MON2: variants seen among roughly 807,000 people sequenced by gnomAD.
MON2 encodes protein MON2 homolog.
MON2 carries 84 observed loss-of-function variants against 208.6 expected under a neutral mutation model. The ratio of observed to expected loss-of-function variants is 0.40; its 90% CI spans 0.34 to 0.48. The LOEUF is 0.48. Ranked by LOEUF, MON2 falls within the 20% of genes least tolerant of loss-of-function variation. MON2 has a pLI of 0.59. For missense variants in MON2, 1,611 were observed against 2,015.4 expected, an observed-to-expected ratio of 0.80 and a Z score of 3.84; for synonymous variants, 660 against 694.0, an observed-to-expected ratio of 0.95 and a Z score of 0.77.
intron 32 of MON2, among the ~76,000 whole-genome samples, chr12:62,581,685 G>C (rs1463617864): frequency 6.6e-6 from 1 of 152,084 alleles, no homozygotes; most frequent in African/African-American, 2.4e-5. Flanking sequence ...AAAATAATTA[G>C]CCAGGTGTGA....
At chr12:62,555,532 A>C (rs2073927512) in intron 24 of MON2, among the ~76,000 whole-genome samples, 1 of 152,176 alleles carries the variant, frequency 6.6e-6, no homozygotes, top group Non-Finnish European at 1.5e-5. Context: ...AATTATGGCC[A>C]GGCACAGTGG....
At chr12:62,485,264 CT>C (rs1212621938) in intron 2 of MON2, among the ~76,000 whole-genome samples, 25 of 152,296 alleles carry the variant, frequency 1.6e-4, no homozygotes, top group African/African-American at 6.0e-4. Context: ...CTCAGCTAAT[CT>C]ATGAGGAAAG....
Position 62,552,897 on chromosome 12 carries a change from A to T in MON2, c.2933A>T (p.Tyr978Phe), listed in dbSNP as rs1347700223. ...SIGLLWNISD[Y>F]FFQRGETIEK... is the part of the protein sequence containing the mutation. ...GCTTTTTAGTGGAATATTTCAGATT[A>T]TTTTTTCCAAAGAGGGGAAACTATT... The change falls in exon 24 of 35, where the codon TAT becomes TTT. Residue 978 changes from tyrosine to phenylalanine, a missense_variant. By Grantham distance (22) the Tyr-to-Phe change is conservative. Transcript: ENST00000393630. 1.6e-5 allele frequency: 26 copies of T among 1,612,288 alleles called. No homozygotes were observed. In the Admixed American group the frequency reaches 2.8e-4, roughly 18 times the overall value.
At chr12:62,588,926 T>G (rs2075305853) in intron 34 of MON2, 1 of 1,418,606 alleles carries the variant, frequency 7.0e-7, no homozygotes, top group Non-Finnish European at 9.4e-7. Context: ...GGTAAATAAT[T>G]TTTCTTTTCA....
At chr12:62,534,531 AAAAAAAAAAAAATAT>A (rs1177233435) in intron 12 of MON2, among the ~76,000 whole-genome samples, 1 of 39,384 alleles carries the variant, frequency 2.5e-5, no homozygotes, top group African/African-American at 1.6e-4. Flanking sequence ...AAAAAAAAAA[AAAAAAAAAAAAATAT>A]ATATATATAT....
chr12:62,577,578 A>C (rs992651970), intron 30 of MON2, among the ~76,000 whole-genome samples: 15 of 152,080 alleles, frequency 9.9e-5, no homozygotes, highest in African/African-American at 3.6e-4. Flanking sequence ...CAAATATCAG[A>C]TAAATCTAGG....
At chr12:62,590,559 A>G (rs1382070674) in intron 34 of MON2, among the ~76,000 whole-genome samples, 1 of 152,238 alleles carries the variant, frequency 6.6e-6, no homozygotes, top group Non-Finnish European at 1.5e-5. Flanking sequence ...TTTACCACAG[A>G]CAACCATTTT....
chr12:62,595,528 A>T lies in MON2; in HGVS notation c.*2779A>T, dbSNP rs543121229. The T allele has an allele frequency of 1.3e-5, 2 of 152,318 alleles. No individual in the cohort carries two copies. The highest frequency in any genetic ancestry group is 4.1e-4 in the South Asian group (2 of 4,826). The allele number at this position is 152,318 out of a possible 1,614,324, so 9.4% of individuals were successfully genotyped here. On this transcript the variant is annotated 3_prime_UTR_variant, in exon 35 of 35. Coordinates refer to ENST00000393630, the MANE Select transcript of MON2 (RefSeq NM_015026.3). ...ATTCATATTGCTGGACAACAGACAT[A>T]TGCCACCAATTGTATGATTAATAAA...
intron 1 of MON2, among the ~76,000 whole-genome samples, chr12:62,474,374 T>A (rs2068954337): frequency 6.6e-6 from 1 of 152,092 alleles, no homozygotes; most frequent in African/African-American, 2.4e-5. Flanking sequence ...CGCCTCGGCC[T>A]CCCAAAGTGT....
rs764185253 is a variant in MON2 at position 62,560,847 on chromosome 12, A to G, written c.3766A>G (p.Lys1256Glu). 3 of 1,614,100 alleles carry G rather than the reference A, an allele frequency of 1.9e-6. No homozygotes were observed. Among genetic ancestry groups the G allele is most frequent in the Non-Finnish European group, 2.5e-6 (3 of 1,179,988 alleles). The change falls in exon 26 of 35, where the codon AAG becomes GAG. Residue 1256 changes from lysine (K) to glutamate (E), a missense_variant. Physicochemically the swap from Lys to Glu is moderately conservative, Grantham distance 56. Coordinates refer to ENST00000393630, the MANE Select transcript of MON2 (RefSeq NM_015026.3). Reference protein sequence around the residue: ...TWYRIGSESTKPPITFDKLTF... With the variant: ...TWYRIGSESTEPPITFDKLTF... ...GTATAGAATTGGATCTGAAAGTACT[A>G]AGCCTCCTATTACTTTTGATAAACT...
chr12:62,571,904 A>G (rs1327189794), intron 30 of MON2, among the ~76,000 whole-genome samples: 1 of 152,266 alleles, frequency 6.6e-6, no homozygotes, highest in Non-Finnish European at 1.5e-5. Context: ...ATTGCAAGAG[A>G]AAAACAATGT....
At chr12:62,508,794 T>C (rs1016920554) in intron 8 of MON2, 2 of 245,826 alleles carry the variant, frequency 8.1e-6, no homozygotes, top group Non-Finnish European at 1.6e-5. Flanking sequence ...AAAATTATAG[T>C]CTCTTCAGTT....
At chr12:62,520,302 C>T (rs2071953396) in intron 8 of MON2, among the ~76,000 whole-genome samples, 1 of 152,102 alleles carries the variant, frequency 6.6e-6, no homozygotes, top group African/African-American at 2.4e-5. Flanking sequence ...AATATCACCA[C>T]CATATATCAG....
chr12:62,583,939 GA>G (rs962529260), intron 32 of MON2, among the ~76,000 whole-genome samples: 8 of 134,536 alleles, frequency 5.9e-5, no homozygotes, highest in Non-Finnish European at 1.1e-4. Context: ...CAGCCTGGGT[GA>G]CAGAGTGAAG....
rs1036483591 is a variant in MON2 at position 62,508,429 on chromosome 12, G to A, written c.933G>A (p.Met311Ile). 5 of 1,614,104 alleles carry A rather than the reference G, an allele frequency of 3.1e-6. No homozygotes were observed. The highest frequency in any genetic ancestry group is 4.2e-6 in the Non-Finnish European group (5 of 1,180,004). The change falls in exon 8 of 35, where the codon ATG (methionine) becomes ATA (isoleucine). Residue 311 changes from methionine to isoleucine, a missense_variant. By Grantham distance (10) the Met-to-Ile change is conservative (BLOSUM62 1). Coordinates refer to ENST00000393630, the MANE Select transcript of MON2 (RefSeq NM_015026.3). The part of the protein sequence containing the change: ...PVEKPYFPIC[M>I]RLLRVVSVLI... Reference sequence around the variant, plus strand: ...AAAAACCATATTTTCCTATCTGCATGCGTTTGCTGAGAGTAGTATCTGTTC... The same window carrying A: ...AAAAACCATATTTTCCTATCTGCATACGTTTGCTGAGAGTAGTATCTGTTC...
intron 13 of MON2, 27 bp downstream of exon 13, chr12:62,534,953 T>A: frequency 1.4e-6 from 2 of 1,467,758 alleles, no homozygotes; most frequent in Non-Finnish European, 1.8e-6. Flanking sequence ...AGTTTTATAT[T>A]GAACTGTGTC....
rs538659805 is a variant in MON2 at position 62,556,537 on chromosome 12, G to A, written c.3409+345G>A. The stretch of plus-strand genomic sequence containing the variant: ...ATTCCAGATGGACTTTCCTGAGAAA[G>A]CAATAGTTTTCCTGAGATCTGTAGG... On this transcript the variant is annotated intron_variant, in intron 25 of 34. Coordinates refer to ENST00000393630, the MANE Select transcript of MON2 (RefSeq NM_015026.3). Among the ~76,000 whole-genome samples the A allele has an allele frequency of 2.0e-3, 307 of 152,272 alleles. 6 individuals are homozygous for A. Among genetic ancestry groups the A allele is most frequent in the African/African-American group, 7.1e-3 (297 of 41,564 alleles).
In MON2 at chr12:62,515,694, A is replaced by T. The variant is rs372010494; in HGVS notation, c.984+7214A>T. 2.0e-5 allele frequency among the ~76,000 whole-genome samples: 3 copies of T among 152,152 alleles called. No homozygotes were observed. The East Asian group carries it at 5.8e-4, about 29-fold the overall frequency. ...GCTGGGTGTGGTGGCGCACACCTGT[A>T]ATTCCAACTACTTGATAGGCTGAGG... On this transcript the variant is annotated intron_variant, in intron 8 of 34. Coordinates refer to ENST00000393630, the MANE Select transcript of MON2 (RefSeq NM_015026.3).
chr12:62,475,131 A>G (rs2068998066), intron 1 of MON2, among the ~76,000 whole-genome samples: 1 of 151,968 alleles, frequency 6.6e-6, no homozygotes, highest in Admixed American at 6.6e-5. Context: ...TCACCCTCAA[A>G]TCTTCTTCAT....
Sources: allele counts gnomAD v4.1 joint callset (sites outside exome capture counted in the v4.1 genomes callset), GRCh38; gene constraint gnomAD v4.1.1; transcripts MANE v1.5; gene names NCBI Gene and HGNC (gene_info 2026-07-23, HGNC 2026-07-21).